Variants in AVEN observed in about 807,000 individuals in gnomAD.
The protein encoded by AVEN is cell death regulator Aven.
AVEN carries 41 observed loss-of-function variants against 38.1 expected under a neutral mutation model. The ratio of observed to expected loss-of-function variants is 1.08; its 90% CI spans 0.84 to 1.40. The LOEUF (loss-of-function observed/expected upper bound fraction) is 1.40, where lower values mean the gene tolerates loss of function less well. Among genes scored for constraint, AVEN ranks in the 40% most tolerant of loss-of-function variants. AVEN has a pLI of 0.00. For missense variants in AVEN, 605 were observed against 438.8 expected, an observed-to-expected ratio of 1.38 and a Z score of -3.38; for synonymous variants, 206 against 171.8, an observed-to-expected ratio of 1.20 and a Z score of -1.56.
In AVEN at chr15:34,037,232, G is replaced by A. The variant is rs189786645; in HGVS notation, c.267+1548C>T. ...GACACTTATTAGTAAAGTCCTGTGCGCCAGACACCATAGTTAACACCAAAT... is the reference window on the plus strand; with the variant it reads ...GACACTTATTAGTAAAGTCCTGTGCACCAGACACCATAGTTAACACCAAAT... On this transcript the variant is annotated intron_variant, in intron 1 of 5. Coordinates refer to ENST00000306730, the MANE Select transcript of AVEN (RefSeq NM_020371.3). Among the ~76,000 whole-genome samples the A allele has an allele frequency of 3.3e-3, 508 of 152,068 alleles. 7 individuals are homozygous for A. Among genetic ancestry groups the A allele is most frequent in the Middle Eastern group, 0.02 (6 of 294 alleles).
chr15:34,046,612 G>A (rs1334657684), intron 5 of AVEN: 1 of 152,148 alleles, frequency 6.6e-6, no homozygotes, highest in East Asian at 1.9e-4. Context: ...AGAATACTCA[G>A]GAGCTTTTCA....
chr15:33,954,690 T>G (rs1324165605), intron 2 of AVEN, among the ~76,000 whole-genome samples: 1 of 151,142 alleles, frequency 6.6e-6, no homozygotes, highest in Non-Finnish European at 1.5e-5. Context: ...CATTAGGAGA[T>G]ATACCTAATG....
downstream of AVEN, chr15:33,856,032 G>T (rs1187712089): frequency 6.6e-6 from 1 of 152,122 alleles, no homozygotes; most frequent in Non-Finnish European, 1.5e-5. Flanking sequence ...CAGTTACTGT[G>T]ACAGCCTCAC....
At chr15:33,876,583 A>G (rs1007819011) in intron 2 of AVEN, among the ~76,000 whole-genome samples, 27 of 152,082 alleles carry the variant, frequency 1.8e-4, no homozygotes, top group African/African-American at 6.5e-4. Flanking sequence ...AAAAAAAAAA[A>G]TTATTACATA....
chr15:33,990,894 G>A (rs531346323), intron 2 of AVEN: 2 of 152,170 alleles, frequency 1.3e-5, no homozygotes, highest in African/African-American at 4.8e-5. Context: ...TATAATAGAA[G>A]CACTGAACAA....
chr15:33,859,200 C>G (rs1429486123), intron 11 of AVEN: 1 of 177,730 alleles, frequency 5.6e-6, no homozygotes, highest in Non-Finnish European at 1.2e-5. Flanking sequence ...AGAGGGGGGA[C>G]CTTTTTGCAG....
intron 2 of AVEN, among the ~76,000 whole-genome samples, chr15:33,920,499 T>C (rs528576632): frequency 6.6e-6 from 1 of 152,370 alleles, no homozygotes; most frequent in South Asian, 2.1e-4. Flanking sequence ...GGTATTCCTT[T>C]TGATAGCAGT....
At chr15:33,961,629 C>G (rs550742044) in intron 2 of AVEN, among the ~76,000 whole-genome samples, 1 of 150,692 alleles carries the variant, frequency 6.6e-6, no homozygotes, top group Admixed American at 6.6e-5. Context: ...CTGGCTAACA[C>G]GGTGAAACCC....
At chr15:33,897,354 G>C (rs1388405192) in intron 2 of AVEN, among the ~76,000 whole-genome samples, 8 of 152,052 alleles carry the variant, frequency 5.3e-5, no homozygotes, top group Non-Finnish European at 1.2e-4. Context: ...CTAGAGTGCA[G>C]TGGCATGATC....
chr15:33,960,003 G>A (rs537706316), intron 2 of AVEN, among the ~76,000 whole-genome samples: 1 of 152,266 alleles, frequency 6.6e-6, no homozygotes, highest in Non-Finnish European at 1.5e-5. Flanking sequence ...GATTCGTGTC[G>A]GATGACTTGC....
intron 2 of AVEN, among the ~76,000 whole-genome samples, chr15:33,971,741 C>T (rs1394722049): frequency 6.6e-6 from 1 of 151,740 alleles, no homozygotes; most frequent in Admixed American, 6.6e-5. Flanking sequence ...ATAATGGCAC[C>T]GTGTTTCAAG....
At chr15:33,918,966 G>A (rs1157419841) in intron 2 of AVEN, among the ~76,000 whole-genome samples, 1 of 146,076 alleles carries the variant, frequency 6.8e-6, no homozygotes, top group African/African-American at 2.5e-5. Context: ...TGTCCCCCAG[G>A]CTGGAGTGCA....
intron 2 of AVEN, among the ~76,000 whole-genome samples, chr15:33,931,569 A>C (rs1199903334): frequency 6.6e-6 from 1 of 151,590 alleles, no homozygotes; most frequent in African/African-American, 2.4e-5. Context: ...GCGGGGTTTC[A>C]CTGTGTTAGC....
At chr15:34,045,696 T>G (rs888530950) in intron 5 of AVEN, among the ~76,000 whole-genome samples, 1 of 150,562 alleles carries the variant, frequency 6.6e-6, no homozygotes, top group Non-Finnish European at 1.5e-5. Context: ...GCATAAAGCT[T>G]CTCATAAAAA....
intron 4 of AVEN, among the ~76,000 whole-genome samples, chr15:33,869,825 C>CTTTTTTTTTTTTT (rs377321444): frequency 7.0e-6 from 1 of 142,170 alleles, no homozygotes. Context: ...CAAGGTTTCA[C>CTTTTTTTTTTTTT]TTTTTTTTTT....
At chr15:33,880,932 A>T (rs952804277) in intron 2 of AVEN, among the ~76,000 whole-genome samples, 7 of 152,176 alleles carry the variant, frequency 4.6e-5, no homozygotes, top group Non-Finnish European at 7.3e-5. Context: ...ACACATAAAG[A>T]ATATAAAGAA....
At chr15:34,065,885 T>G (rs543624) in intron 4 of AVEN, 1 of 151,888 alleles carries the variant, frequency 6.6e-6, no homozygotes, top group Admixed American at 6.6e-5. Context: ...TTCATGCGTC[T>G]TAGTGTAGGC....
At chr15:33,951,078 C>T (rs1384883870) in intron 2 of AVEN, among the ~76,000 whole-genome samples, 1 of 140,814 alleles carries the variant, frequency 7.1e-6, no homozygotes, top group Non-Finnish European at 1.6e-5. Context: ...AGGGAAGAGG[C>T]GAGTGGGGGG....
At chr15:33,886,760 G>C (rs1270255778) in intron 2 of AVEN, among the ~76,000 whole-genome samples, 1 of 152,198 alleles carries the variant, frequency 6.6e-6, no homozygotes, top group African/African-American at 2.4e-5. Flanking sequence ...TCTTGGGTAT[G>C]TCCTTAGAGC....
Sources: gnomAD v4.1 joint callset for allele counts (sites outside exome capture counted in the v4.1 genomes callset) on GRCh38, gnomAD v4.1.1 for gene constraint, MANE v1.5 for transcripts, NCBI Gene and HGNC (gene_info 2026-07-23, HGNC 2026-07-21) for gene names.